Variants in CCDC88A observed in about 807,000 individuals in gnomAD.
CCDC88A encodes the protein girdin.
CCDC88A carries 54 observed loss-of-function variants against 234.3 expected under a neutral mutation model. That is an observed-to-expected ratio of 0.23 (90% CI 0.19 to 0.29). The LOEUF is 0.29. Among genes scored for constraint, CCDC88A ranks in the 10% least tolerant of loss-of-function variants. The pLI is 1.00. For synonymous variants in CCDC88A, 753 were observed against 737.8 expected (o/e 1.02, Z -0.33); for missense variants, 1,832 against 2,123.4 (o/e 0.86, Z 2.70).
chr2:55,311,835 CAT>C (rs2104606002), intron 23 of CCDC88A, among the ~76,000 whole-genome samples: 1 of 152,316 alleles, frequency 6.6e-6, no homozygotes, highest in East Asian at 1.9e-4. Flanking sequence ...CTCTCTTTCA[CAT>C]GTTTTGCAGC....
chr2:55,296,196 C>T, intron 30 of CCDC88A, 62 bp downstream of exon 30: 1 of 1,388,956 alleles, frequency 7.2e-7, no homozygotes, highest in Non-Finnish European at 9.8e-7. Context: ...CTCTGAAGTT[C>T]AATTACAGAA....
intron 7 of CCDC88A, among the ~76,000 whole-genome samples, chr2:55,360,465 C>T (rs919065790): frequency 3.3e-5 from 5 of 152,068 alleles, no homozygotes; most frequent in Admixed American, 2.6e-4. Flanking sequence ...AAAAATTTCC[C>T]GGATAACTGG....
At chr2:55,341,633 C>CG (rs1206744773) in intron 12 of CCDC88A, among the ~76,000 whole-genome samples, 11 of 150,904 alleles carry the variant, frequency 7.3e-5, no homozygotes, top group African/African-American at 2.0e-4. Context: ...TCAGCAGAGA[C>CG]GGGGTTTCAC....
chr2:55,372,125 T>C (rs1281488840), intron 5 of CCDC88A, among the ~76,000 whole-genome samples: 3 of 152,052 alleles, frequency 2.0e-5, no homozygotes, highest in Non-Finnish European at 4.4e-5. Flanking sequence ...GAGTACAACA[T>C]AAATCACAAG....
intron 3 of CCDC88A, among the ~76,000 whole-genome samples, chr2:55,386,502 G>A (rs1353756871): frequency 3.2e-5 from 3 of 92,414 alleles, no homozygotes; most frequent in Admixed American, 1.9e-4. Context: ...ATGGAGGTTT[G>A]CTCTTGCTGC....
chr2:55,374,887 T>TA lies in CCDC88A; in HGVS notation c.274-5dup. On this transcript the variant is annotated splice_region_variant and splice_polypyrimidine_tract_variant and intron_variant, in intron 3 of 32. Coordinates refer to ENST00000436346, the MANE Select transcript of CCDC88A (RefSeq NM_001365480.1). ...TGATCAATTGCTGCAAAGTCTCCTG[T>TA]AAAAAAATATCCAACACTTGTTATA... 4 of 1,591,882 alleles carry TA rather than the reference T, an allele frequency of 2.5e-6. No individual in the cohort carries two copies. Among genetic ancestry groups the TA allele is most frequent in the South Asian group, 1.1e-5 (1 of 89,716 alleles).
At chr2:55,418,617 A>G in intron 2 of CCDC88A, 199 bp downstream of exon 2, 2 of 579,456 alleles carry the variant, frequency 3.5e-6, no homozygotes, top group South Asian at 4.7e-5. Flanking sequence ...AAGTTTCACA[A>G]TTTTAACAGG....
chr2:55,418,606 A>G (rs1294040959), intron 2 of CCDC88A: 4 of 572,494 alleles, frequency 7.0e-6, no homozygotes, highest in South Asian at 4.8e-5. Context: ...ATGAAAAACT[A>G]AAGTTTCACA....
At chr2:55,343,538 C>T (rs1668748948) in intron 12 of CCDC88A, 110 bp downstream of exon 12, 1 of 766,344 alleles carries the variant, frequency 1.3e-6, no homozygotes, top group African/African-American at 1.8e-5. Context: ...TCTATGGAGA[C>T]AGGTAGTCTT....
At chr2:55,333,336 C>T (rs1015343833) in intron 15 of CCDC88A, among the ~76,000 whole-genome samples, 1 of 152,174 alleles carries the variant, frequency 6.6e-6, no homozygotes, top group African/African-American at 2.4e-5. Flanking sequence ...CATATACCTT[C>T]TGACTTGCAT....
Position 55,390,053 on chromosome 2 carries a change from A to AAG in CCDC88A, c.165-1168_165-1167insCT, listed in dbSNP as rs79939316. On this transcript the variant is annotated intron_variant, in intron 2 of 32. Transcript: ENST00000436346. ...GAGACTCAAAAAAAAAAAAAAATAAAAAATAAAGATAGAACATTTCAAAGT... is the reference window on the plus strand; with the variant it reads ...GAGACTCAAAAAAAAAAAAAAATAAAAGAAATAAAGATAGAACATTTCAAAGT... Among the ~76,000 whole-genome samples the AAG allele has an allele frequency of 5.6e-4, 45 of 79,778 alleles. 6 individuals carry two copies. The highest frequency in any genetic ancestry group is 5.4e-3 in the East Asian group (10 of 1,852). 52.3% of individuals were successfully genotyped at this position (79,778 alleles called of 152,430 possible). A position where few individuals can be genotyped will look rare whatever the true frequency, so the allele number is the denominator to read the frequency against.
intron 31 of CCDC88A, chr2:55,294,192 T>G: frequency 2.4e-6 from 2 of 849,354 alleles, no homozygotes; most frequent in Non-Finnish European, 2.8e-6. Flanking sequence ...TTTGGTTTAT[T>G]TCTCTTTGAC....
intron 5 of CCDC88A, among the ~76,000 whole-genome samples, chr2:55,368,692 A>T (rs1346413921): frequency 6.6e-6 from 1 of 152,154 alleles, no homozygotes; most frequent in Non-Finnish European, 1.5e-5. Flanking sequence ...CTTTAGTATC[A>T]GCAAATTGTA....
intron 2 of CCDC88A, among the ~76,000 whole-genome samples, chr2:55,415,560 C>G (rs1337835231): frequency 1.3e-5 from 2 of 152,212 alleles, no homozygotes; most frequent in East Asian, 3.9e-4. Flanking sequence ...CCAGGCAGAG[C>G]ACAATGGTCT....
intron 2 of CCDC88A, among the ~76,000 whole-genome samples, chr2:55,398,395 A>G (rs1238989035): frequency 6.6e-6 from 1 of 152,196 alleles, no homozygotes; most frequent in Non-Finnish European, 1.5e-5. Context: ...ACTATAAACT[A>G]TCTGTACTTA....
chr2:55,328,254 A>G lies in CCDC88A; in HGVS notation c.2997+40T>C, dbSNP rs1389011260. ...ATTTTTCTGTCCAAATATTTATATAATAAATGATCCTTAAAATTCTTTCCA... is the reference window on the plus strand; with the variant it reads ...ATTTTTCTGTCCAAATATTTATATAGTAAATGATCCTTAAAATTCTTTCCA... On this transcript the variant is annotated intron_variant, in intron 17 of 32. Transcript: ENST00000436346. This position sits in a 1 kb window ranked among gnomAD's most constrained non-coding sequence, Gnocchi z 4.3. 1 of 1,407,842 alleles carries G rather than the reference A, an allele frequency of 7.1e-7. No individual in the cohort carries two copies. Among genetic ancestry groups the G allele is most frequent in the African/African-American group, 1.5e-5 (1 of 68,166 alleles). The allele number at this position is 1,407,842 out of a possible 1,614,324, so 87.2% of individuals were successfully genotyped here.
rs527722185 is a variant in CCDC88A at position 55,369,301 on chromosome 2, G to A, written c.402+3151C>T. Among the ~76,000 whole-genome samples the A allele has an allele frequency of 9.2e-5, 14 of 152,234 alleles. No homozygotes were observed. In the South Asian group the frequency reaches 2.3e-3, roughly 25 times the overall value. ...CCACTGTTCCGGCCTCCCAAGTGCT[G>A]AGATTACAGGTGTGAGCCACCATGT... is the stretch of plus-strand genomic sequence containing the variant. On this transcript the variant is annotated intron_variant, in intron 5 of 32. Coordinates refer to ENST00000436346, the MANE Select transcript of CCDC88A (RefSeq NM_001365480.1).
At chr2:55,292,882 T>G (rs2104540192) in intron 31 of CCDC88A, 1 of 152,216 alleles carries the variant, frequency 6.6e-6, no homozygotes. Flanking sequence ...CAAAAAGAAC[T>G]AGTGGTGTTT....
rs1339451538 is a variant in CCDC88A, at chr2:55,355,500, T to G, written c.800+79A>C. 9.7e-6 allele frequency: 12 copies of G among 1,233,086 alleles called. No homozygotes were observed. The African/African-American group carries it at 1.3e-4, about 14-fold the overall frequency. 76.4% of individuals were successfully genotyped at this position (1,233,086 alleles called of 1,614,324 possible). ...AAACACTGACACAAGCTAGCAATATTTCCATAAGCTTAAAAATATTGTTTA... is the reference window on the plus strand; with the variant it reads ...AAACACTGACACAAGCTAGCAATATGTCCATAAGCTTAAAAATATTGTTTA... On this transcript the variant is annotated intron_variant, in intron 8 of 32. Transcript: ENST00000436346.
Sources: gnomAD v4.1 joint callset for allele counts (sites outside exome capture counted in the v4.1 genomes callset) on GRCh38, gnomAD v4.1.1 for gene constraint, Gnocchi (gnomAD v3.1) non-coding constraint, MANE v1.5 for transcripts, NCBI Gene and HGNC (gene_info 2026-07-23, HGNC 2026-07-21) for gene names.